Variants in EFR3B observed in about 807,000 individuals in gnomAD.
EFR3B encodes EFR3 homolog B.
In EFR3B, 64 loss-of-function variants were observed where a neutral mutation model predicts 104.7. That is an observed-to-expected ratio of 0.61 (90% CI 0.50 to 0.75). The LOEUF is 0.75. Ranked by LOEUF, EFR3B falls within the 30% of genes least tolerant of loss-of-function variation. EFR3B has a pLI of 0.00. For missense variants in EFR3B, 750 were observed against 1,078.5 expected (o/e 0.70, Z 4.27); for synonymous variants, 385 against 417.9 (o/e 0.92, Z 0.96).
intron 4 of EFR3B, among the ~76,000 whole-genome samples, chr2:25,117,162 G>A (rs1337681558): frequency 6.6e-6 from 1 of 152,146 alleles, no homozygotes; most frequent in Non-Finnish European, 1.5e-5. Context: ...GTAGGGAGGC[G>A]AGAGGAAGAG....
In EFR3B at chr2:25,128,250, G is replaced by C; in HGVS notation, c.553G>C (p.Ala185Pro). Reference protein sequence around the residue: ...VRKTVNDELQANIWDPQHMDK... With the variant: ...VRKTVNDELQPNIWDPQHMDK... ...GAAGACGGTGAATGATGAACTGCAG[G>C]CCAATATCTGGGACCCACAGCACAT... Residue 185 changes from alanine (A) to proline (P), a missense_variant, in exon 6 of 23, where the codon GCC becomes CCC. Coordinates refer to ENST00000403714, the MANE Select transcript of EFR3B (RefSeq NM_014971.2). The C allele has an allele frequency of 4.5e-6, 7 of 1,551,750 alleles. No individual in the cohort carries two copies. Among genetic ancestry groups the C allele is most frequent in the Non-Finnish European group, 6.1e-6 (7 of 1,147,000 alleles).
chr2:25,123,369 A>AC (rs1421122749), intron 5 of EFR3B, among the ~76,000 whole-genome samples: 3 of 152,086 alleles, frequency 2.0e-5, no homozygotes, highest in South Asian at 2.1e-4. Context: ...CAAAAAAAAA[A>AC]AAAACAATTA....
Position 25,130,460 on chromosome 2 carries a change from T to G in EFR3B, c.771-92T>G. ...CACCCGGGAACTGTGCGAGGGGCTC[T>G]GAGAAGGTGTCCCTCTGCCTCCAAG... On this transcript the variant is annotated intron_variant, in intron 7 of 22. Coordinates refer to ENST00000403714, the MANE Select transcript of EFR3B (RefSeq NM_014971.2). This position sits in a 1 kb window ranked among gnomAD's most constrained non-coding sequence, Gnocchi z 4.6. The G allele has an allele frequency of 8.7e-7, 1 of 1,143,048 alleles. No individual in the cohort carries two copies. Among genetic ancestry groups the G allele is most frequent in the Non-Finnish European group, 1.3e-6 (1 of 774,524 alleles). 70.8% of individuals were successfully genotyped at this position (1,143,048 alleles called of 1,614,324 possible). A position where few individuals can be genotyped will look rare whatever the true frequency, so the allele number is the denominator to read the frequency against.
chr2:25,141,145 G>A (rs1039364333), intron 16 of EFR3B, among the ~76,000 whole-genome samples: 2 of 152,068 alleles, frequency 1.3e-5, no homozygotes, highest in Non-Finnish European at 2.9e-5. Flanking sequence ...GTGCACATGT[G>A]TCATTGATGG....
intron 1 of EFR3B, among the ~76,000 whole-genome samples, chr2:25,045,313 T>C (rs951868016): frequency 2.0e-5 from 3 of 152,198 alleles, no homozygotes; most frequent in African/African-American, 7.2e-5. Context: ...CCCATCAGTT[T>C]CTGGAAATGG....
At chr2:25,043,185 T>C (rs1667620669) in intron 1 of EFR3B, among the ~76,000 whole-genome samples, 1 of 151,962 alleles carries the variant, frequency 6.6e-6, no homozygotes, top group Admixed American at 6.6e-5. Context: ...GGGCTGTGCG[T>C]GTGTGTGTGA....
In EFR3B at chr2:25,050,961, T is replaced by C. The variant is rs577205222; in HGVS notation, c.7+8642T>C. Among the ~76,000 whole-genome samples, 6 of 152,316 alleles carry C rather than the reference T, an allele frequency of 3.9e-5. No homozygotes were observed. The South Asian group carries it at 1.2e-3, about 32-fold the overall frequency. On this transcript the variant is annotated intron_variant, in intron 1 of 22. Coordinates refer to ENST00000403714, the MANE Select transcript of EFR3B (RefSeq NM_014971.2). ...TTAATCTGCTCTTTATCTGTTTGCA[T>C]GGTATTAAGATTGGTCCAAATGCGA...
chr2:25,098,560 A>T (rs1669346139), intron 3 of EFR3B, among the ~76,000 whole-genome samples: 1 of 152,210 alleles, frequency 6.6e-6, no homozygotes, highest in African/African-American at 2.4e-5. Context: ...ACTCGAGAAG[A>T]TTACAATAAA....
chr2:25,042,348 G>A lies in EFR3B; in HGVS notation c.7+29G>A. 2.4e-6 allele frequency: 3 copies of A among 1,257,284 alleles called. No individual in the cohort carries two copies. Among genetic ancestry groups the A allele is most frequent in the Non-Finnish European group, 3.0e-6 (3 of 999,806 alleles). 77.9% of individuals were successfully genotyped at this position (1,257,284 alleles called of 1,614,324 possible). A position where few individuals can be genotyped will look rare whatever the true frequency, so the allele number is the denominator to read the frequency against. On this transcript the variant is annotated intron_variant, in intron 1 of 22. Coordinates refer to ENST00000403714, the MANE Select transcript of EFR3B (RefSeq NM_014971.2). The surrounding 1 kb of genome is among the most constrained non-coding windows in gnomAD (Gnocchi z 5.4). ...AGGAGGGCTCCGCGCCCGGGCCCGGGCCCGCGGGGGCGACTCCGCAAACTT... is the reference window on the plus strand; with the variant it reads ...AGGAGGGCTCCGCGCCCGGGCCCGGACCCGCGGGGGCGACTCCGCAAACTT...
chr2:25,065,023 G>A (rs1668292948), intron 1 of EFR3B, among the ~76,000 whole-genome samples: 1 of 152,074 alleles, frequency 6.6e-6, no homozygotes, highest in Non-Finnish European at 1.5e-5. Context: ...TGGTTCCCAA[G>A]GATCTGCACT....
Position 25,155,402 on chromosome 2 carries a change from G to A in EFR3B, c.*1062G>A, listed in dbSNP as rs1004879690. ...TATTGGAATGATTTCTTCACTCTCT[G>A]GACAAAGTCTGGGACATCAGCACCA... On this transcript the variant is annotated 3_prime_UTR_variant, in exon 23 of 23. Coordinates refer to ENST00000403714, the MANE Select transcript of EFR3B (RefSeq NM_014971.2). The A allele has an allele frequency of 7.9e-5, 12 of 152,300 alleles. No homozygotes were observed. The highest frequency in any genetic ancestry group is 2.9e-4 in the African/African-American group (12 of 41,572). The allele number at this position is 152,300 out of a possible 1,614,324, so 9.4% of individuals were successfully genotyped here.
At position 25,136,599 on chromosome 2, in the gene EFR3B, G is replaced by A. The variant is rs1263153913; in HGVS notation, c.1560+1G>A. The stretch of plus-strand genomic sequence containing the variant: ...ACAGGACACCGTCTTCATGAAGAAG[G>A]TAAACAAGCATGACCTCCAGGCACA... On this transcript the variant is annotated splice_donor_variant, in intron 14 of 22. Transcript: ENST00000403714. LOFTEE classifies it high-confidence loss of function. This position sits in a 1 kb window ranked among gnomAD's most constrained non-coding sequence, Gnocchi z 4.0. 1.3e-6 allele frequency: 2 copies of A among 1,550,992 alleles called. No individual in the cohort carries two copies. The highest frequency in any genetic ancestry group is 8.7e-7 in the Non-Finnish European group (1 of 1,146,652).
At chr2:25,094,353 G>C (rs1292327861) in intron 3 of EFR3B, among the ~76,000 whole-genome samples, 1 of 149,602 alleles carries the variant, frequency 6.7e-6, no homozygotes, top group Non-Finnish European at 1.5e-5. Flanking sequence ...AAGTATATTC[G>C]AAAATTAAGA....
chr2:25,073,129 A>G (rs1416512291), intron 1 of EFR3B, among the ~76,000 whole-genome samples: 2 of 152,182 alleles, frequency 1.3e-5, no homozygotes, highest in Non-Finnish European at 2.9e-5. Flanking sequence ...ACACCCAGAT[A>G]AACACTTAAG....
At chr2:25,111,873 C>T (rs1669733012) in intron 4 of EFR3B, among the ~76,000 whole-genome samples, 1 of 152,176 alleles carries the variant, frequency 6.6e-6, no homozygotes, top group Non-Finnish European at 1.5e-5. Context: ...CCCAGAACCC[C>T]CAGAAGGAAT....
chr2:25,135,421 A>C, intron 12 of EFR3B, 46 bp from the exon 13 acceptor site: 1 of 1,545,376 alleles, frequency 6.5e-7, no homozygotes, highest in Non-Finnish European at 8.8e-7. Flanking sequence ...CCTGCACCTG[A>C]GAGGGACAGC....
chr2:25,144,384 A>C (rs995077139), intron 18 of EFR3B, among the ~76,000 whole-genome samples: 2 of 152,040 alleles, frequency 1.3e-5, no homozygotes, highest in Non-Finnish European at 2.9e-5. Flanking sequence ...CTCTACTAAA[A>C]ATACAAAAGA....
intron 1 of EFR3B, among the ~76,000 whole-genome samples, chr2:25,067,425 T>G (rs956380204): frequency 7.0e-6 from 1 of 142,924 alleles, no homozygotes; most frequent in African/African-American, 2.6e-5. Context: ...TTTTAGTTTT[T>G]GTTTTTTTTT....
At chr2:25,069,511 A>G (rs1443050474) in intron 1 of EFR3B, among the ~76,000 whole-genome samples, 1 of 152,222 alleles carries the variant, frequency 6.6e-6, no homozygotes, top group Non-Finnish European at 1.5e-5. Flanking sequence ...AAACAGCCTT[A>G]TTGAAGTGGC....
Sources: gnomAD v4.1 joint callset for allele counts (sites outside exome capture counted in the v4.1 genomes callset) on GRCh38, gnomAD v4.1.1 for gene constraint, Gnocchi (gnomAD v3.1) non-coding constraint, MANE v1.5 for transcripts, NCBI Gene and HGNC (gene_info 2026-07-23, HGNC 2026-07-21) for gene names.